LGSN: variants seen among roughly 807,000 people sequenced by gnomAD.
LGSN encodes the protein lengsin.
LGSN carries 21 observed loss-of-function variants against 19.5 expected under a neutral mutation model. The observed-to-expected ratio is 1.07, with a 90% CI of 0.76 to 1.55. The LOEUF (loss-of-function observed/expected upper bound fraction) is 1.55. Among genes scored for constraint, LGSN ranks in the 40% most tolerant of loss-of-function variants. The pLI is 0.00. For missense variants in LGSN, 673 were observed against 608.5 expected (o/e 1.11, Z -1.12); for synonymous variants, 257 against 215.6 (o/e 1.19, Z -1.68).
chr6:63,337,072 C>T, the LGSN span, among the ~76,000 whole-genome samples: 1 of 151,358 alleles, frequency 6.6e-6, no homozygotes, highest in Non-Finnish European at 1.5e-5. Flanking sequence ...TACAGGCACG[C>T]ACCACCATGC....
At chr6:63,289,403 T>C (rs1472542800) in intron 2 of LGSN, among the ~76,000 whole-genome samples, 1 of 152,208 alleles carries the variant, frequency 6.6e-6, no homozygotes, top group Admixed American at 6.5e-5. Context: ...AAATCATACT[T>C]GTTATTTACA....
At chr6:63,323,773 C>CTTT (rs150256951), upstream of LGSN, among the ~76,000 whole-genome samples, 1 of 126,272 alleles carries the variant, frequency 7.9e-6, no homozygotes, top group African/African-American at 3.0e-5. Context: ...TTTTTGCATT[C>CTTT]TTTTTTTTTT....
At chr6:63,321,813 T>G (rs557187420), upstream of LGSN, among the ~76,000 whole-genome samples, 53 of 152,310 alleles carry the variant, frequency 3.5e-4, no homozygotes, top group South Asian at 7.7e-3. Context: ...TTCACAAGCA[T>G]TTGTTCAATC....
the LGSN span, among the ~76,000 whole-genome samples, chr6:63,568,096 A>G: frequency 6.6e-6 from 1 of 152,224 alleles, no homozygotes; most frequent in African/African-American, 2.4e-5. Flanking sequence ...CTCCTTATCA[A>G]CAATGAGGCT....
chr6:63,512,983 A>G, the LGSN span, among the ~76,000 whole-genome samples: 1 of 152,234 alleles, frequency 6.6e-6, no homozygotes, highest in Non-Finnish European at 1.5e-5. Context: ...GCAGCAACTG[A>G]CAGAATAGGA....
the LGSN span, among the ~76,000 whole-genome samples, chr6:63,375,216 G>T: frequency 2.0e-5 from 3 of 151,826 alleles, no homozygotes; most frequent in Non-Finnish European, 4.4e-5. Context: ...TTTAAAATTG[G>T]GTTAAATATA....
the LGSN span, among the ~76,000 whole-genome samples, chr6:63,503,298 A>T: frequency 6.6e-6 from 1 of 152,268 alleles, no homozygotes; most frequent in African/African-American, 2.4e-5. Flanking sequence ...GACAACAGAA[A>T]GAGGCTCTAG....
At chr6:63,522,862 C>CTTA in the LGSN span, among the ~76,000 whole-genome samples, 1 of 126,432 alleles carries the variant, frequency 7.9e-6, no homozygotes, top group Non-Finnish European at 1.7e-5. Flanking sequence ...GACTAAATCA[C>CTTA]TTTTTTTTTT....
the LGSN span, among the ~76,000 whole-genome samples, chr6:63,448,855 T>C: frequency 2.0e-5 from 3 of 152,024 alleles, no homozygotes; most frequent in Non-Finnish European, 1.5e-5. Context: ...AAAAAATAAA[T>C]AACTCAGAGG....
the LGSN span, among the ~76,000 whole-genome samples, chr6:63,352,296 T>C: frequency 6.6e-6 from 1 of 152,202 alleles, no homozygotes; most frequent in African/African-American, 2.4e-5. Flanking sequence ...ATCCATTGTT[T>C]TGTATTCTTT....
chr6:63,404,844 G>A, the LGSN span, among the ~76,000 whole-genome samples: 1 of 151,706 alleles, frequency 6.6e-6, no homozygotes, highest in South Asian at 2.1e-4. Flanking sequence ...TAGGGTACAT[G>A]TGCACAATGT....
the LGSN span, among the ~76,000 whole-genome samples, chr6:63,401,522 C>T: frequency 1.3e-5 from 2 of 151,938 alleles, no homozygotes; most frequent in South Asian, 2.1e-4. Flanking sequence ...CTAAGAGTGA[C>T]AAGGACAGAA....
chr6:63,318,433 A>G (rs1004262809), intron 1 of LGSN, among the ~76,000 whole-genome samples: 1 of 152,068 alleles, frequency 6.6e-6, no homozygotes, highest in Non-Finnish European at 1.5e-5. Flanking sequence ...CTCCTTCCAT[A>G]TTCTTTCACT....
At chr6:63,505,752 C>T in the LGSN span, among the ~76,000 whole-genome samples, 1 of 152,068 alleles carries the variant, frequency 6.6e-6, no homozygotes, top group Admixed American at 6.6e-5. Flanking sequence ...CTCTTCCTTC[C>T]GAGTTCAAGC....
At chr6:63,480,940 G>GAGATAT in the LGSN span, among the ~76,000 whole-genome samples, 794 of 59,616 alleles carry the variant, frequency 0.013, 63 homozygotes, top group Middle Eastern at 0.058. Flanking sequence ...TAAAGAAAAT[G>GAGATAT]ATATATATAT....
chr6:63,499,935 CT>C, the LGSN span, among the ~76,000 whole-genome samples: 1 of 151,216 alleles, frequency 6.6e-6, no homozygotes, highest in African/African-American at 2.5e-5. Flanking sequence ...GCTTTCTGAG[CT>C]CCTTATTTAA....
chr6:63,466,879 T>C, the LGSN span, among the ~76,000 whole-genome samples: 1 of 152,266 alleles, frequency 6.6e-6, no homozygotes, highest in Admixed American at 6.5e-5. Flanking sequence ...CAGTTGGATA[T>C]TGGTATGAGG....
the LGSN span, among the ~76,000 whole-genome samples, chr6:63,467,053 A>G: frequency 1.3e-5 from 2 of 152,166 alleles, no homozygotes; most frequent in Non-Finnish European, 2.9e-5. Context: ...AAAAAAATTC[A>G]GGTCGGAGGA....
the LGSN span, among the ~76,000 whole-genome samples, chr6:63,524,945 A>G: frequency 6.6e-6 from 1 of 152,212 alleles, no homozygotes; most frequent in African/African-American, 2.4e-5. Context: ...TTTATGAAAA[A>G]ACTTAAGAAA....
Sources: allele counts gnomAD v4.1 joint callset (sites outside exome capture counted in the v4.1 genomes callset), GRCh38; gene constraint gnomAD v4.1.1; transcripts MANE v1.5; gene names NCBI Gene and HGNC (gene_info 2026-07-23, HGNC 2026-07-21).